Variants in FAT4 observed in about 807,000 individuals in gnomAD.
FAT4 encodes the protein FAT atypical cadherin 4, also known as protocadherin Fat 4.
Under a neutral mutation model 303.9 loss-of-function variants are expected in FAT4, and 84 were observed. The ratio of observed to expected loss-of-function variants is 0.28; its 90% CI spans 0.23 to 0.33. FAT4 has a LOEUF of 0.33. Ranked by LOEUF, FAT4 falls within the 10% of genes least tolerant of loss-of-function variation. The pLI is 1.00. For synonymous variants in FAT4, 2,307 were observed against 2,298.8 expected (o/e 1.00, Z -0.10); for missense variants, 6,005 against 6,146.8 (o/e 0.98, Z 0.77).
chr4:125,317,293 C>A lies in FAT4; in HGVS notation c.882C>A (p.Thr294=). The stretch of plus-strand genomic sequence containing the variant: ...GCTATCGCCTGCAGGACGAGGGGAC[C>A]CCCTTCCAAATGGACCCTGAGACGG... The part of the protein sequence containing the change: ...DIRYRLQDEG[T]PFQMDPETGL... Residue 294 remains threonine, a synonymous_variant, in exon 2 of 18, where the codon ACC becomes ACA. Transcript: ENST00000394329. The surrounding 1 kb of genome is among the most constrained non-coding windows in gnomAD (Gnocchi z 7.0). The A allele has an allele frequency of 6.3e-7, 1 of 1,595,488 alleles. No homozygotes were observed. The highest frequency in any genetic ancestry group is 8.6e-7 in the Non-Finnish European group (1 of 1,168,642).
intron 2 of FAT4, among the ~76,000 whole-genome samples, chr4:125,356,863 G>A (rs1333329010): frequency 6.6e-6 from 1 of 151,290 alleles, no homozygotes; most frequent in Non-Finnish European, 1.5e-5. Context: ...AATAGATACA[G>A]ACTATAAGTC....
chr4:125,474,752 G>C (rs1296136405), intron 12 of FAT4, among the ~76,000 whole-genome samples: 1 of 151,910 alleles, frequency 6.6e-6, no homozygotes, highest in Non-Finnish European at 1.5e-5. Flanking sequence ...ATGTTTTATG[G>C]ATACTGCCTA....
intron 2 of FAT4, among the ~76,000 whole-genome samples, chr4:125,341,786 C>T (rs1174881852): frequency 6.6e-6 from 1 of 151,954 alleles, no homozygotes; most frequent in African/African-American, 2.4e-5. Context: ...GCCTAGCCAT[C>T]TGGAGCACTT....
At chr4:125,391,521 G>T (rs543758699) in intron 2 of FAT4, among the ~76,000 whole-genome samples, 1 of 152,104 alleles carries the variant, frequency 6.6e-6, no homozygotes, top group African/African-American at 2.4e-5. Flanking sequence ...CTTGTTGGGG[G>T]CAGTGGGAGG....
intron 7 of FAT4, among the ~76,000 whole-genome samples, chr4:125,427,230 T>G (rs1415055500): frequency 2.6e-5 from 4 of 151,836 alleles, no homozygotes; most frequent in South Asian, 2.1e-4. Flanking sequence ...ATCATTACAT[T>G]TCTCATTTTA....
intron 2 of FAT4, among the ~76,000 whole-genome samples, chr4:125,352,945 G>C (rs1732288559): frequency 6.6e-6 from 1 of 151,640 alleles, no homozygotes; most frequent in Non-Finnish European, 1.5e-5. Context: ...AGAATGCCTT[G>C]GACATAATAG....
At chr4:125,481,406 T>C in intron 15 of FAT4, 115 bp from the exon 16 acceptor site, 1 of 814,476 alleles carries the variant, frequency 1.2e-6, no homozygotes, top group Non-Finnish European at 1.9e-6. Context: ...TTGGGGGACA[T>C]TAATTCCCAA....
intron 2 of FAT4, among the ~76,000 whole-genome samples, chr4:125,341,600 T>C (rs966591013): frequency 6.6e-6 from 1 of 152,128 alleles, no homozygotes; most frequent in Non-Finnish European, 1.5e-5. Flanking sequence ...TATTGTGCAA[T>C]GTCTTTTAAT....
intron 5 of FAT4, among the ~76,000 whole-genome samples, chr4:125,409,764 A>G (rs559423633): frequency 6.6e-6 from 1 of 152,312 alleles, no homozygotes; most frequent in African/African-American, 2.4e-5. Flanking sequence ...AAGTATACAT[A>G]TCATATAATA....
In FAT4 at chr4:125,451,424, C is replaced by T. The variant is rs1403984745; in HGVS notation, c.10414C>T (p.Arg3472Ter). The T allele has an allele frequency of 1.2e-6, 2 of 1,613,974 alleles. No homozygotes were observed. The highest frequency in any genetic ancestry group is 1.7e-6 in the Non-Finnish European group (2 of 1,180,014). Reference sequence around the variant, plus strand: ...GATCACCGTTACTGCAGAATTAGATCGAGAAACCCTTCCCATCTATAATCT... The same window carrying T: ...GATCACCGTTACTGCAGAATTAGATTGAGAAACCCTTCCCATCTATAATCT... ...GQITVTAELD[R>*]ETLPIYNLSV... The change falls in exon 10 of 18, where the codon CGA becomes TGA. Residue 3472 changes from arginine (R) to a stop codon, truncating the protein, a stop_gained. Coordinates refer to ENST00000394329, the MANE Select transcript of FAT4 (RefSeq NM_001291303.3). LOFTEE classifies it high-confidence loss of function.
At chr4:125,475,051 C>T (rs1378897602) in intron 12 of FAT4, among the ~76,000 whole-genome samples, 3 of 152,034 alleles carry the variant, frequency 2.0e-5, no homozygotes, top group Non-Finnish European at 2.9e-5. Context: ...CTGTGGCATT[C>T]GTAAATTTAG....
chr4:125,434,300 T>C lies in FAT4; in HGVS notation c.7074T>C (p.Asn2358=). 1 of 1,614,082 alleles carries C rather than the reference T, an allele frequency of 6.2e-7. No individual in the cohort carries two copies. The highest frequency in any genetic ancestry group is 8.5e-7 in the Non-Finnish European group (1 of 1,179,964). The change falls in exon 8 of 18, where the codon AAT becomes AAC. Residue 2358 remains asparagine, a synonymous_variant. Transcript: ENST00000394329. ...GTINVIVDDV[N]DNVPTFASKA... ...TCAACGTCATAGTAGATGATGTCAA[T>C]GACAATGTCCCCACATTTGCCAGTA...
chr4:125,375,274 A>C (rs1733268683), intron 2 of FAT4, among the ~76,000 whole-genome samples: 1 of 152,208 alleles, frequency 6.6e-6, no homozygotes, highest in African/African-American at 2.4e-5. Flanking sequence ...TTCACTGGCA[A>C]CCTTCTTTAT....
intron 2 of FAT4, among the ~76,000 whole-genome samples, chr4:125,385,026 T>TATATATATA (rs1560790810): frequency 1.5e-4 from 8 of 52,900 alleles, no homozygotes; most frequent in African/African-American, 2.8e-4. Context: ...ATATATATAT[T>TATATATATA]TTTTTTTTTT....
chr4:125,410,671 A>G (rs1734804982), intron 5 of FAT4, among the ~76,000 whole-genome samples: 1 of 152,072 alleles, frequency 6.6e-6, no homozygotes, highest in Non-Finnish European at 1.5e-5. Context: ...AATAAGTTTT[A>G]TTTACCATCA....
intron 2 of FAT4, among the ~76,000 whole-genome samples, chr4:125,395,349 G>A (rs937335572): frequency 1.6e-4 from 24 of 151,980 alleles, no homozygotes; most frequent in African/African-American, 4.3e-4. Flanking sequence ...TCACTCTGTC[G>A]CTGAGGCTGG....
At chr4:125,401,927 T>G (rs2126015347) in intron 3 of FAT4, among the ~76,000 whole-genome samples, 1 of 152,086 alleles carries the variant, frequency 6.6e-6, no homozygotes, top group Middle Eastern at 3.4e-3. Context: ...TAACCAGCAT[T>G]ATTTCCACTG....
intron 7 of FAT4, among the ~76,000 whole-genome samples, chr4:125,424,196 C>G (rs1408006917): frequency 6.6e-6 from 1 of 152,088 alleles, no homozygotes; most frequent in Non-Finnish European, 1.5e-5. Flanking sequence ...TGTGCCCAGC[C>G]AAATCTCATC....
chr4:125,462,889 C>T lies in FAT4; in HGVS notation c.11801-674C>T, dbSNP rs893395269. ...TATCATGTCTGGCCCATAATAAGCA[C>T]TCACTCAATATTAGTTGATTCAATT... On this transcript the variant is annotated intron_variant, in intron 10 of 17. Coordinates refer to ENST00000394329, the MANE Select transcript of FAT4 (RefSeq NM_001291303.3). 3.9e-5 allele frequency among the ~76,000 whole-genome samples: 6 copies of T among 152,008 alleles called. No homozygotes were observed. The South Asian group carries it at 6.2e-4, about 16-fold the overall frequency.
Sources: allele counts gnomAD v4.1 joint callset (sites outside exome capture counted in the v4.1 genomes callset), GRCh38; gene constraint gnomAD v4.1.1; non-coding constraint Gnocchi (gnomAD v3.1); transcripts MANE v1.5; gene names NCBI Gene and HGNC (gene_info 2026-07-23, HGNC 2026-07-21).